The following TENM3 variants were observed in gnomAD, a reference collection of about 807,000 sequenced individuals.
TENM3 encodes the protein teneurin transmembrane protein 3, also known as teneurin-3.
In TENM3, 63 loss-of-function variants were observed where a neutral mutation model predicts 255.1. The observed-to-expected ratio is 0.25, with a 90% CI of 0.20 to 0.30. The LOEUF (loss-of-function observed/expected upper bound fraction) is 0.30, where lower values mean the gene tolerates loss of function less well. Ranked by LOEUF, TENM3 falls within the 10% of genes least tolerant of loss-of-function variation. The probability of loss-of-function intolerance (pLI) is 1.00; values close to 1 mark genes in which losing one functional copy is unlikely to be tolerated. For missense variants in TENM3, 2,929 were observed against 3,461.1 expected, an observed-to-expected ratio of 0.85 and a Z score of 3.86; for synonymous variants, 1,306 against 1,322.3, an observed-to-expected ratio of 0.99 and a Z score of 0.27.
chr4:181,919,374 G>GGTGTGTGTGTGTGTGTGTGTGT, the TENM3 span, among the ~76,000 whole-genome samples: 260 of 146,844 alleles, frequency 1.8e-3, 2 homozygotes, highest in African/African-American at 6.0e-3. Flanking sequence ...AAGCAAAGCA[G>GGTGTGTGTGTGTGTGTGTGTGT]GTGTGTGTGT....
At chr4:181,979,323 A>T in the TENM3 span, among the ~76,000 whole-genome samples, 1 of 151,172 alleles carries the variant, frequency 6.6e-6, no homozygotes, top group Non-Finnish European at 1.5e-5. Flanking sequence ...CCATGGATAA[A>T]GCCTCCCGTT....
At chr4:181,860,313 C>T in the TENM3 span, among the ~76,000 whole-genome samples, 54 of 152,148 alleles carry the variant, frequency 3.5e-4, no homozygotes, top group East Asian at 7.5e-3. Context: ...TTTTTCTCTC[C>T]GCCCTCCCAG....
At chr4:182,713,017 T>G (rs924901108) in intron 12 of TENM3, among the ~76,000 whole-genome samples, 2 of 152,336 alleles carry the variant, frequency 1.3e-5, no homozygotes, top group African/African-American at 4.8e-5. Context: ...CAGATCACAT[T>G]GGCTGCATGC....
At chr4:182,358,121 G>C (rs75684489) in intron 3 of TENM3, among the ~76,000 whole-genome samples, 3 of 151,756 alleles carry the variant, frequency 2.0e-5, no homozygotes, top group South Asian at 2.1e-4. Flanking sequence ...GTTACTGTAG[G>C]CTTGTAGTAG....
At chr4:181,999,094 T>C in the TENM3 span, among the ~76,000 whole-genome samples, 1 of 152,208 alleles carries the variant, frequency 6.6e-6, no homozygotes, top group East Asian at 1.9e-4. Context: ...AGTCCTTCCC[T>C]TTAATTCCAG....
At chr4:181,620,843 C>G in the TENM3 span, among the ~76,000 whole-genome samples, 1,424 of 152,100 alleles carry the variant, frequency 9.4e-3, 23 homozygotes, top group African/African-American at 0.032. Context: ...ATTATGTATC[C>G]TAACTATTTT....
At chr4:182,422,272 G>A (rs1333369525) in intron 3 of TENM3, among the ~76,000 whole-genome samples, 1 of 152,032 alleles carries the variant, frequency 6.6e-6, no homozygotes, top group Non-Finnish European at 1.5e-5. Flanking sequence ...CAAGCAGTGG[G>A]CTGTAGTGCT....
At chr4:182,270,534 C>T (rs190172971) in intron 1 of TENM3, among the ~76,000 whole-genome samples, 58 of 152,284 alleles carry the variant, frequency 3.8e-4, no homozygotes, top group African/African-American at 1.3e-3. Context: ...TCTGACCTCC[C>T]TTCCAGTCTT....
intron 3 of TENM3, among the ~76,000 whole-genome samples, chr4:182,402,712 A>T (rs1050901238): frequency 6.6e-6 from 1 of 152,158 alleles, no homozygotes; most frequent in African/African-American, 2.4e-5. Flanking sequence ...TCCCACAACT[A>T]CAATGTGAAC....
chr4:181,451,011 T>TCTACACTGTG, the TENM3 span, among the ~76,000 whole-genome samples: 1 of 152,182 alleles, frequency 6.6e-6, no homozygotes, highest in African/African-American at 2.4e-5. Context: ...GCTTCTTACA[T>TCTACACTGTG]CTACACTGTG....
At chr4:181,953,276 C>CCATCATCAT in the TENM3 span, among the ~76,000 whole-genome samples, 1 of 141,450 alleles carries the variant, frequency 7.1e-6, no homozygotes, top group Non-Finnish European at 1.6e-5. Context: ...ACCACCACCA[C>CCATCATCAT]CATCATCATC....
intron 3 of TENM3, among the ~76,000 whole-genome samples, chr4:182,551,551 AAG>A (rs138631871): frequency 9.2e-5 from 14 of 152,246 alleles, no homozygotes; most frequent in East Asian, 3.9e-4. Context: ...AATTGTACAA[AAG>A]AGAGAGATAA....
chr4:181,879,445 G>A, the TENM3 span, among the ~76,000 whole-genome samples: 1 of 152,080 alleles, frequency 6.6e-6, no homozygotes, highest in Non-Finnish European at 1.5e-5. Flanking sequence ...ATTTCTCCCA[G>A]CAATAGCTAC....
At chr4:182,289,614 A>G (rs1014720537) in intron 1 of TENM3, among the ~76,000 whole-genome samples, 3 of 152,242 alleles carry the variant, frequency 2.0e-5, no homozygotes, top group Non-Finnish European at 4.4e-5. Flanking sequence ...TTAAGATCAT[A>G]TACATATTTT....
chr4:182,278,741 C>T (rs1421880946), intron 1 of TENM3, among the ~76,000 whole-genome samples: 2 of 151,996 alleles, frequency 1.3e-5, no homozygotes, highest in Non-Finnish European at 2.9e-5. Context: ...ATGAATGCCT[C>T]CAGCGCATAC....
the TENM3 span, among the ~76,000 whole-genome samples, chr4:181,498,513 A>G: frequency 1.3e-5 from 2 of 152,198 alleles, no homozygotes; most frequent in Non-Finnish European, 2.9e-5. Context: ...ACATGAGAAG[A>G]TGCTGAAGAA....
In TENM3 at chr4:182,623,135, C is replaced by T. The variant is rs866608528; in HGVS notation, c.750-5516C>T. On this transcript the variant is annotated intron_variant, in intron 4 of 27. Coordinates refer to ENST00000511685, the MANE Select transcript of TENM3 (RefSeq NM_001080477.4). ...ACGCCATTCTCCTGCCTCAGCCTCC[C>T]GAGTAGCTGGGACTACAGGCGCCCA... is the stretch of plus-strand genomic sequence containing the variant. Among the ~76,000 whole-genome samples the T allele has an allele frequency of 1.6e-4, 24 of 151,840 alleles. No homozygotes were observed. In the East Asian group the frequency reaches 3.7e-3, roughly 23 times the overall value.
chr4:181,811,464 C>T, the TENM3 span, among the ~76,000 whole-genome samples: 1 of 152,158 alleles, frequency 6.6e-6, no homozygotes, highest in African/African-American at 2.4e-5. Flanking sequence ...GTTCTGAAAG[C>T]ACTTTCAAAG....
the TENM3 span, among the ~76,000 whole-genome samples, chr4:181,667,804 A>G: frequency 6.6e-6 from 1 of 152,146 alleles, no homozygotes; most frequent in Non-Finnish European, 1.5e-5. Context: ...CTTTACAGAG[A>G]GAACTCTGGA....
Sources: allele counts gnomAD v4.1 joint callset (sites outside exome capture counted in the v4.1 genomes callset), GRCh38; gene constraint gnomAD v4.1.1; transcripts MANE v1.5; gene names NCBI Gene and HGNC (gene_info 2026-07-23, HGNC 2026-07-21).